Variants in RBL1 observed in about 807,000 individuals in gnomAD.
RBL1 encodes the protein retinoblastoma-like protein 1.
In RBL1, 82 loss-of-function variants were observed where a neutral mutation model predicts 123.0. That is an observed-to-expected ratio of 0.67 (90% CI 0.56 to 0.80). The LOEUF is 0.80. Among genes scored for constraint, RBL1 ranks in the 30% least tolerant of loss-of-function variants. The pLI is 0.00. For missense variants in RBL1, 1,171 were observed against 1,299.6 expected, an observed-to-expected ratio of 0.90 and a Z score of 1.52; for synonymous variants, 405 against 441.3, an observed-to-expected ratio of 0.92 and a Z score of 1.03.
At chr20:37,000,461 A>G (rs536344582) in intron 21 of RBL1, among the ~76,000 whole-genome samples, 1 of 114,164 alleles carries the variant, frequency 8.8e-6, no homozygotes. Context: ...TCCGGGAGGG[A>G]GGTGGGGGGG....
At chr20:37,036,123 T>C (rs974198689) in intron 14 of RBL1, among the ~76,000 whole-genome samples, 10 of 152,324 alleles carry the variant, frequency 6.6e-5, no homozygotes, top group Admixed American at 2.6e-4. Context: ...TCCTGTGCTA[T>C]CCTTTCACAG....
chr20:37,025,362 A>G (rs921468768), intron 16 of RBL1, among the ~76,000 whole-genome samples: 3 of 152,072 alleles, frequency 2.0e-5, no homozygotes, highest in African/African-American at 7.2e-5. Flanking sequence ...TCTACAAAAA[A>G]TTAAAAAATA....
At chr20:37,053,647 T>C (rs2064956437) in intron 11 of RBL1, among the ~76,000 whole-genome samples, 1 of 152,222 alleles carries the variant, frequency 6.6e-6, no homozygotes, top group Admixed American at 6.5e-5. Flanking sequence ...GAGGTTTTTG[T>C]GACTAGACAT....
At chr20:37,017,583 T>A (rs1568826694) in intron 19 of RBL1, among the ~76,000 whole-genome samples, 1 of 150,500 alleles carries the variant, frequency 6.6e-6, no homozygotes, top group Non-Finnish European at 1.5e-5. Context: ...GTAGCAGAAT[T>A]ACCTATAAGT....
chr20:36,999,014 G>A (rs2063921325), intron 21 of RBL1, 85 bp from the exon 22 acceptor site: 1 of 1,304,680 alleles, frequency 7.7e-7, no homozygotes. Flanking sequence ...TTTTTCCTGT[G>A]CTCTATCCTC....
chr20:37,001,008 C>A (rs2063967739), intron 21 of RBL1, among the ~76,000 whole-genome samples: 3 of 145,598 alleles, frequency 2.1e-5, no homozygotes, highest in Non-Finnish European at 4.6e-5. Flanking sequence ...CCAGCCGCCC[C>A]ATCCGGGAGG....
At chr20:37,057,175 T>A (rs945515909) in intron 9 of RBL1, among the ~76,000 whole-genome samples, 2 of 152,166 alleles carry the variant, frequency 1.3e-5, no homozygotes, top group Non-Finnish European at 2.9e-5. Flanking sequence ...TGTGCAAATA[T>A]CCCTTTGAGA....
At chr20:37,012,462 C>G (rs1338620440) in intron 19 of RBL1, among the ~76,000 whole-genome samples, 1 of 151,728 alleles carries the variant, frequency 6.6e-6, no homozygotes, top group South Asian at 2.1e-4. Flanking sequence ...AAGTGAGGAG[C>G]GTCTCTGCCC....
In RBL1 at chr20:37,040,292, A is replaced by G. The variant is rs2064701200; in HGVS notation, c.1771-7T>C. 1.2e-6 allele frequency: 2 copies of G among 1,610,518 alleles called. No individual in the cohort carries two copies. The highest frequency in any genetic ancestry group is 1.7e-6 in the Non-Finnish European group (2 of 1,179,082). ...AGTTATTTGGGAATATAACCTGTAGAAAACAAAAACCCTTTGATTTACATA... is the reference window on the plus strand; with the variant it reads ...AGTTATTTGGGAATATAACCTGTAGGAAACAAAAACCCTTTGATTTACATA... On this transcript the variant is annotated splice_region_variant and splice_polypyrimidine_tract_variant and intron_variant, in intron 13 of 21. Coordinates refer to ENST00000373664, the MANE Select transcript of RBL1 (RefSeq NM_002895.5).
chr20:37,005,181 G>T (rs887059314), intron 20 of RBL1, among the ~76,000 whole-genome samples: 4 of 151,896 alleles, frequency 2.6e-5, no homozygotes, highest in Non-Finnish European at 5.9e-5. Flanking sequence ...GGCTGAGGCG[G>T]GTGGATCATG....
At position 37,061,276 on chromosome 20, in the gene RBL1, G is replaced by C. The variant is rs1286417763; in HGVS notation, c.1084-7C>G. On this transcript the variant is annotated splice_polypyrimidine_tract_variant and splice_region_variant and intron_variant, in intron 8 of 21. Coordinates refer to ENST00000373664, the MANE Select transcript of RBL1 (RefSeq NM_002895.5). The stretch of plus-strand genomic sequence containing the variant: ...AAGGTGCAAATGACCTTTTCTGTCA[G>C]AAAAGAAAAATCCGTGAGTTTTTAA... 1.2e-6 allele frequency: 2 copies of C among 1,604,160 alleles called. No individual in the cohort carries two copies. The highest frequency in any genetic ancestry group is 8.5e-7 in the Non-Finnish European group (1 of 1,174,548).
intron 16 of RBL1, among the ~76,000 whole-genome samples, chr20:37,030,936 C>T (rs960552912): frequency 6.6e-6 from 1 of 151,546 alleles, no homozygotes; most frequent in Non-Finnish European, 1.5e-5. Flanking sequence ...GTCCTAGCTG[C>T]TCAGAGGGTC....
intron 7 of RBL1, among the ~76,000 whole-genome samples, chr20:37,064,750 C>T (rs2065151827): frequency 1.3e-5 from 2 of 152,010 alleles, no homozygotes; most frequent in African/African-American, 4.8e-5. Context: ...GCTGGGATTA[C>T]AGGTGTGCAC....
chr20:37,001,087 C>T (rs2063970193), intron 21 of RBL1, among the ~76,000 whole-genome samples: 1 of 148,832 alleles, frequency 6.7e-6, no homozygotes, highest in African/African-American at 2.5e-5. Context: ...GAGGTCAGCC[C>T]CCCGCCTGGC....
rs182161098 is a variant in RBL1 at position 37,006,263 on chromosome 20, C to T, written c.2871+1148G>A. 5.3e-3 allele frequency among the ~76,000 whole-genome samples: 790 copies of T among 149,694 alleles called. 2 individuals are homozygous for T. The highest frequency in any genetic ancestry group is 8.5e-3 in the Non-Finnish European group (577 of 67,572). ...TCACCCAGGCTGGAGTGCAGTGGCGCGATCTCTGCTCACTGCAACCTCCGC... is the reference window on the plus strand; with the variant it reads ...TCACCCAGGCTGGAGTGCAGTGGCGTGATCTCTGCTCACTGCAACCTCCGC... On this transcript the variant is annotated intron_variant, in intron 20 of 21. Coordinates refer to ENST00000373664, the MANE Select transcript of RBL1 (RefSeq NM_002895.5).
At chr20:37,041,859 A>C (rs1449264217) in intron 13 of RBL1, among the ~76,000 whole-genome samples, 1 of 152,070 alleles carries the variant, frequency 6.6e-6, no homozygotes, top group East Asian at 1.9e-4. Context: ...CTGTAATCCC[A>C]GCACTTTGGA....
intron 21 of RBL1, among the ~76,000 whole-genome samples, chr20:37,000,162 GACC>G (rs1568806703): frequency 4.1e-4 from 62 of 149,504 alleles, no homozygotes; most frequent in African/African-American, 1.5e-3. Flanking sequence ...GAAGTGAGGA[GACC>G]CTCTGCCTGG....
Position 37,035,343 on chromosome 20 carries a change from G to A in RBL1, c.2069C>T (p.Thr690Ile). Reference protein sequence around the residue: ...KLKIAPSSSITAENVSILPGQ... With the variant: ...KLKIAPSSSIIAENVSILPGQ... ...AGGTAAAATTGATACATTTTCAGCA[G>A]TAATGCTTGAAGAAGGAGCGATTTT... is the stretch of plus-strand genomic sequence containing the variant. Residue 690 changes from threonine to isoleucine, a missense_variant, in exon 15 of 22, where the codon ACT becomes ATT. Thr to Ile is a moderately conservative substitution (Grantham distance 89). Transcript: ENST00000373664. The A allele has an allele frequency of 1.2e-6, 2 of 1,614,062 alleles. No homozygotes were observed. Among genetic ancestry groups the A allele is most frequent in the Admixed American group, 1.7e-5 (1 of 60,022 alleles).
At chr20:36,999,513 C>G (rs1453926165) in intron 21 of RBL1, among the ~76,000 whole-genome samples, 1 of 149,100 alleles carries the variant, frequency 6.7e-6, no homozygotes, top group African/African-American at 2.5e-5. Context: ...CCCTCTCCCT[C>G]TCTTTCCACG....
Sources: allele counts gnomAD v4.1 joint callset (sites outside exome capture counted in the v4.1 genomes callset), GRCh38; gene constraint gnomAD v4.1.1; transcripts MANE v1.5; gene names NCBI Gene and HGNC (gene_info 2026-07-23, HGNC 2026-07-21).